NALF1: variants seen among roughly 807,000 people sequenced by gnomAD.
NALF1 encodes the protein family with sequence similarity 155 member A.
In NALF1, 3 loss-of-function variants were observed where a neutral mutation model predicts 48.4. That is an observed-to-expected ratio of 0.06 (90% confidence interval 0.03 to 0.16). The LOEUF is 0.16. Among genes scored for constraint, NALF1 ranks in the 10% least tolerant of loss-of-function variants. The pLI, the probability that NALF1 is intolerant of heterozygous loss-of-function variation, is 1.00. For missense variants in NALF1, 526 were observed against 571.5 expected, an observed-to-expected ratio of 0.92 and a Z score of 0.81; for synonymous variants, 262 against 245.7, an observed-to-expected ratio of 1.07 and a Z score of -0.62.
intron 1 of NALF1, among the ~76,000 whole-genome samples, chr13:107,616,907 A>G (rs1684395937): frequency 6.6e-6 from 1 of 152,196 alleles, no homozygotes; most frequent in African/African-American, 2.4e-5. Flanking sequence ...ATGCAGAAAT[A>G]ACCGCTAGGT....
intron 1 of NALF1, among the ~76,000 whole-genome samples, chr13:107,336,005 A>C (rs1450473270): frequency 1.3e-5 from 2 of 152,078 alleles, no homozygotes; most frequent in African/African-American, 2.4e-5. Flanking sequence ...AGTGATGGTG[A>C]ATTTCTTGTA....
chr13:107,365,130 TCAAA>T (rs1050199698), intron 1 of NALF1, among the ~76,000 whole-genome samples: 12 of 149,832 alleles, frequency 8.0e-5, no homozygotes, highest in African/African-American at 2.2e-4. Flanking sequence ...CATCTTTGCC[TCAAA>T]CAATTACTAA....
intron 1 of NALF1, among the ~76,000 whole-genome samples, chr13:107,280,872 T>C (rs964143123): frequency 1.3e-5 from 2 of 152,254 alleles, no homozygotes; most frequent in Non-Finnish European, 2.9e-5. Flanking sequence ...TCCCTGATTT[T>C]TCTAATGAGC....
chr13:107,274,103 T>C (rs1303877704), intron 1 of NALF1, among the ~76,000 whole-genome samples: 2 of 152,166 alleles, frequency 1.3e-5, no homozygotes, highest in Non-Finnish European at 2.9e-5. Flanking sequence ...TGTATGAAAC[T>C]ACATCCTGGT....
chr13:107,638,825 A>C (rs1289099671), intron 1 of NALF1, among the ~76,000 whole-genome samples: 2 of 152,086 alleles, frequency 1.3e-5, no homozygotes, highest in Admixed American at 1.3e-4. Flanking sequence ...CATTCGACTG[A>C]AGCACTCCAG....
At chr13:107,222,834 T>C (rs754029187) in intron 1 of NALF1, among the ~76,000 whole-genome samples, 3 of 152,204 alleles carry the variant, frequency 2.0e-5, no homozygotes, top group Non-Finnish European at 4.4e-5. Flanking sequence ...CAGCCATTAG[T>C]GCCTGAATGA....
chr13:107,357,159 G>C (rs145469947), intron 1 of NALF1, among the ~76,000 whole-genome samples: 4,607 of 152,254 alleles, frequency 0.03, 144 homozygotes, highest in African/African-American at 0.075. Context: ...ACAAAGGAAA[G>C]AGGTTTAATT....
intron 1 of NALF1, among the ~76,000 whole-genome samples, chr13:107,849,407 G>T (rs959255109): frequency 6.6e-6 from 1 of 152,098 alleles, no homozygotes; most frequent in Non-Finnish European, 1.5e-5. Flanking sequence ...GATTTGAAGC[G>T]GTCAGTGTGA....
chr13:107,643,979 T>G (rs955231832), intron 1 of NALF1, among the ~76,000 whole-genome samples: 5 of 147,072 alleles, frequency 3.4e-5, no homozygotes, highest in African/African-American at 9.8e-5. Context: ...TTTTTTTTTT[T>G]GCCAAAATTT....
chr13:107,272,916 A>G (rs998512869), intron 1 of NALF1, among the ~76,000 whole-genome samples: 3 of 152,218 alleles, frequency 2.0e-5, no homozygotes, highest in African/African-American at 7.2e-5. Flanking sequence ...GAGAATAAAA[A>G]AGGCATTTGC....
rs369936187 is a variant in NALF1 at position 107,461,547 on chromosome 13, A to G, written c.916-250792T>C. ...AATTCTCTAAACACTTCCTACCACCATGATGTAAAATGAAAAATCATATTC... is the reference window on the plus strand; with the variant it reads ...AATTCTCTAAACACTTCCTACCACCGTGATGTAAAATGAAAAATCATATTC... On this transcript the variant is annotated intron_variant, in intron 1 of 2. Coordinates refer to ENST00000375915, the MANE Select transcript of NALF1 (RefSeq NM_001080396.3). Among the ~76,000 whole-genome samples, 5 of 152,180 alleles carry G rather than the reference A, an allele frequency of 3.3e-5. No homozygotes were observed. In the East Asian group the frequency reaches 7.7e-4, roughly 23 times the overall value.
chr13:107,465,881 C>T (rs972280127), intron 1 of NALF1: 2 of 152,238 alleles, frequency 1.3e-5, no homozygotes, highest in Admixed American at 1.3e-4. Flanking sequence ...TTTCCTCAAG[C>T]CTGTTTTAAT....
At chr13:107,441,868 A>G (rs1172697999) in intron 1 of NALF1, among the ~76,000 whole-genome samples, 1 of 152,212 alleles carries the variant, frequency 6.6e-6, no homozygotes, top group African/African-American at 2.4e-5. Flanking sequence ...GTTTGATCAT[A>G]TAAGTGAATG....
intron 1 of NALF1, among the ~76,000 whole-genome samples, chr13:107,416,808 A>T (rs187087835): frequency 1.3e-5 from 2 of 152,314 alleles, no homozygotes; most frequent in East Asian, 3.9e-4. Flanking sequence ...TTAAAACAGT[A>T]TTTACATATT....
chr13:107,777,571 C>G (rs1206142037), intron 1 of NALF1, among the ~76,000 whole-genome samples: 1 of 152,174 alleles, frequency 6.6e-6, no homozygotes, highest in Admixed American at 6.5e-5. Context: ...CTTTCTCTTG[C>G]TCCTGCATTC....
chr13:107,812,170 A>T (rs568292236), intron 1 of NALF1, among the ~76,000 whole-genome samples: 1 of 152,180 alleles, frequency 6.6e-6, no homozygotes, highest in Non-Finnish European at 1.5e-5. Context: ...TTTCACCTAG[A>T]TGTATGTTAA....
intron 1 of NALF1, among the ~76,000 whole-genome samples, chr13:107,256,888 C>T (rs1880827019): frequency 6.6e-6 from 1 of 152,130 alleles, no homozygotes; most frequent in Non-Finnish European, 1.5e-5. Flanking sequence ...AAAATGTATA[C>T]TAAGCTTAGG....
rs535426223 is a variant in NALF1, at chr13:107,646,327, T to C, written c.915+219355A>G. On this transcript the variant is annotated intron_variant, in intron 1 of 2. Coordinates refer to ENST00000375915, the MANE Select transcript of NALF1 (RefSeq NM_001080396.3). ...AAAGCAACAAAATGGTGTAGACAGG[T>C]AAAAACCTTTCACATTCACATCCTA... is the stretch of plus-strand genomic sequence containing the variant. Among the ~76,000 whole-genome samples, 26 of 148,114 alleles carry C rather than the reference T, an allele frequency of 1.8e-4. 1 individual carries two copies. In the South Asian group the frequency reaches 5.5e-3, roughly 31 times the overall value.
intron 1 of NALF1, among the ~76,000 whole-genome samples, chr13:107,517,051 T>G (rs968050549): frequency 5.9e-5 from 9 of 152,182 alleles, no homozygotes; most frequent in Non-Finnish European, 1.3e-4. Context: ...TGGTCCTTAC[T>G]ATTTGTATAT....
Sources: allele counts gnomAD v4.1 joint callset (sites outside exome capture counted in the v4.1 genomes callset), GRCh38; gene constraint gnomAD v4.1.1; transcripts MANE v1.5; gene names NCBI Gene and HGNC (gene_info 2026-07-23, HGNC 2026-07-21).